PTPRM: variants seen among roughly 807,000 people sequenced by gnomAD.
PTPRM encodes protein tyrosine phosphatase receptor type M.
Under a neutral mutation model 186.7 loss-of-function variants are expected in PTPRM, and 47 were observed. The observed-to-expected ratio is 0.25, with a 90% CI of 0.20 to 0.32. PTPRM has a LOEUF of 0.32. Among genes scored for constraint, PTPRM ranks in the 10% least tolerant of loss-of-function variants. The pLI is 1.00. For synonymous variants in PTPRM, 668 were observed against 674.9 expected (o/e 0.99, Z 0.16); for missense variants, 1,494 against 1,865.0 (o/e 0.80, Z 3.66).
chr18:7,795,880 T>C (rs2043614906), intron 2 of PTPRM, among the ~76,000 whole-genome samples: 1 of 149,750 alleles, frequency 6.7e-6, no homozygotes, highest in Non-Finnish European at 1.5e-5. Flanking sequence ...AGTGGCAAGA[T>C]TATAGCTCAC....
At chr18:8,402,289 C>A (rs1375262558) in intron 32 of PTPRM, among the ~76,000 whole-genome samples, 1 of 152,160 alleles carries the variant, frequency 6.6e-6, no homozygotes, top group Non-Finnish European at 1.5e-5. Flanking sequence ...ATCACAGAAT[C>A]TATGGGGACT....
chr18:8,370,657 T>G (rs1333314294), intron 23 of PTPRM, among the ~76,000 whole-genome samples: 1 of 152,216 alleles, frequency 6.6e-6, no homozygotes, highest in East Asian at 1.9e-4. Flanking sequence ...AAAAATACAA[T>G]TTTTTAAACT....
intron 11 of PTPRM, among the ~76,000 whole-genome samples, chr18:8,108,721 A>C (rs2145644645): frequency 6.6e-6 from 1 of 152,324 alleles, no homozygotes; most frequent in Admixed American, 6.5e-5. Flanking sequence ...TTGTTGTAGA[A>C]ATGCCTAGCA....
chr18:8,305,645 G>T (rs1037822756), intron 20 of PTPRM, among the ~76,000 whole-genome samples: 1 of 152,180 alleles, frequency 6.6e-6, no homozygotes, highest in Non-Finnish European at 1.5e-5. Context: ...CAGAAATAGG[G>T]ATAGGTTGTT....
At chr18:7,823,945 C>G (rs2045346139) in intron 2 of PTPRM, among the ~76,000 whole-genome samples, 1 of 152,160 alleles carries the variant, frequency 6.6e-6, no homozygotes, top group Non-Finnish European at 1.5e-5. Context: ...TATACTTGGA[C>G]AAAAGGGGCC....
Position 7,883,118 on chromosome 18 carries a change from T to A in PTPRM, c.197-4988T>A, listed in dbSNP as rs568445971. Among the ~76,000 whole-genome samples, 4 of 152,340 alleles carry A rather than the reference T, an allele frequency of 2.6e-5. No homozygotes were observed. In the South Asian group the frequency reaches 8.3e-4, roughly 32 times the overall value. ...ATTTCATTTGCCTGCAATGGTATAT[T>A]TTCTACTTATATACTAGTGACTTAA... On this transcript the variant is annotated intron_variant, in intron 2 of 32. Transcript: ENST00000580170.
intron 14 of PTPRM, among the ~76,000 whole-genome samples, chr18:8,237,470 CAG>C (rs1355870923): frequency 9.7e-6 from 1 of 102,714 alleles, no homozygotes; most frequent in Non-Finnish European, 1.8e-5. Flanking sequence ...TTTCCTGAGA[CAG>C]AGTTTCGCTC....
intron 12 of PTPRM, among the ~76,000 whole-genome samples, chr18:8,114,386 C>T (rs1332063355): frequency 6.6e-6 from 1 of 152,126 alleles, no homozygotes; most frequent in East Asian, 1.9e-4. Flanking sequence ...GTCCCTCCTT[C>T]GCAGCATAGG....
intron 5 of PTPRM, among the ~76,000 whole-genome samples, chr18:7,932,331 T>C (rs1486416638): frequency 6.6e-6 from 1 of 152,192 alleles, no homozygotes; most frequent in East Asian, 1.9e-4. Context: ...TTTTTAAAAT[T>C]ACACAATTAT....
At chr18:8,045,924 C>G (rs759513911) in intron 7 of PTPRM, among the ~76,000 whole-genome samples, 6 of 152,114 alleles carry the variant, frequency 3.9e-5, no homozygotes, top group Non-Finnish European at 8.8e-5. Flanking sequence ...TTTCTTCAGT[C>G]GCATATGTCA....
At chr18:8,404,659 A>G (rs1452797460) in intron 32 of PTPRM, 1 of 152,266 alleles carries the variant, frequency 6.6e-6, no homozygotes, top group Non-Finnish European at 1.5e-5. Flanking sequence ...ATGAAAAGTA[A>G]TAGATACATT....
chr18:7,695,078 C>T (rs192618780), intron 1 of PTPRM, among the ~76,000 whole-genome samples: 84 of 152,260 alleles, frequency 5.5e-4, no homozygotes, highest in Admixed American at 5.1e-3. Flanking sequence ...TTTACTGATA[C>T]TGTGTAACTG....
chr18:8,307,824 A>T (rs991711661), intron 20 of PTPRM, among the ~76,000 whole-genome samples: 1 of 151,660 alleles, frequency 6.6e-6, no homozygotes, highest in African/African-American at 2.4e-5. Context: ...AAATAAAAAT[A>T]AAAAAAAGAA....
intron 7 of PTPRM, among the ~76,000 whole-genome samples, chr18:8,034,108 C>T (rs146603353): frequency 6.6e-6 from 1 of 151,870 alleles, no homozygotes; most frequent in Non-Finnish European, 1.5e-5. Context: ...AGGATGATCT[C>T]TTCATCTCTA....
At chr18:7,961,874 C>T (rs1182274444) in intron 7 of PTPRM, among the ~76,000 whole-genome samples, 1 of 152,148 alleles carries the variant, frequency 6.6e-6, no homozygotes, top group Non-Finnish European at 1.5e-5. Flanking sequence ...ATATATTTGT[C>T]TGCCTAGTAT....
chr18:8,339,471 T>C (rs2095461198), intron 22 of PTPRM, among the ~76,000 whole-genome samples: 1 of 152,170 alleles, frequency 6.6e-6, no homozygotes, highest in Non-Finnish European at 1.5e-5. Flanking sequence ...GGAAATCAAA[T>C]GCCCTGTCTT....
At chr18:7,586,726 T>A (rs1457205358) in intron 1 of PTPRM, among the ~76,000 whole-genome samples, 1 of 152,196 alleles carries the variant, frequency 6.6e-6, no homozygotes, top group African/African-American at 2.4e-5. Flanking sequence ...TCCTTGCACA[T>A]TGATAAGTTC....
chr18:8,291,781 A>G (rs1428942980), intron 19 of PTPRM, among the ~76,000 whole-genome samples: 4 of 151,420 alleles, frequency 2.6e-5, no homozygotes, highest in African/African-American at 4.9e-5. Context: ...ACATAACCCA[A>G]TGTTATTTGA....
chr18:8,239,503 T>TC (rs144800747), intron 14 of PTPRM, among the ~76,000 whole-genome samples: 6,747 of 151,854 alleles, frequency 0.044, 267 homozygotes, highest in African/African-American at 0.1. Flanking sequence ...TAAAACTAAT[T>TC]CCCCCTGGAG....
Sources: allele counts gnomAD v4.1 joint callset (sites outside exome capture counted in the v4.1 genomes callset), GRCh38; gene constraint gnomAD v4.1.1; transcripts MANE v1.5; gene names NCBI Gene and HGNC (gene_info 2026-07-23, HGNC 2026-07-21).